Variants in DAB1 observed in about 807,000 individuals in gnomAD.
DAB1 encodes the protein disabled homolog 1.
Under a neutral mutation model 64.6 loss-of-function variants are expected in DAB1, and 15 were observed. The ratio of observed to expected loss-of-function variants is 0.23; its 90% CI spans 0.16 to 0.36. The LOEUF (loss-of-function observed/expected upper bound fraction) is 0.36, where lower values mean the gene tolerates loss of function less well. Among genes scored for constraint, DAB1 ranks in the 10% least tolerant of loss-of-function variants. DAB1 has a pLI of 1.00. For missense variants in DAB1, 596 were observed against 706.7 expected, an observed-to-expected ratio of 0.84 and a Z score of 1.78; for synonymous variants, 235 against 251.9, an observed-to-expected ratio of 0.93 and a Z score of 0.64.
At chr1:58,493,210 T>C (rs1051940222) in intron 3 of DAB1, among the ~76,000 whole-genome samples, 1 of 152,038 alleles carries the variant, frequency 6.6e-6, no homozygotes, top group African/African-American at 2.4e-5. Context: ...TTGACAAAAT[T>C]CAACAGCCCT....
At chr1:57,324,137 A>C (rs533871874) in intron 1 of DAB1, among the ~76,000 whole-genome samples, 1 of 152,240 alleles carries the variant, frequency 6.6e-6, no homozygotes, top group Admixed American at 6.5e-5. Flanking sequence ...TATGCAGATT[A>C]AAACGTTTCA....
At chr1:57,757,206 T>TG in intron 6 of DAB1, among the ~76,000 whole-genome samples, 2 of 139,348 alleles carry the variant, frequency 1.4e-5, no homozygotes, top group Non-Finnish European at 3.2e-5. Context: ...GAATTTTTTT[T>TG]TTTTTTTTTT....
chr1:58,407,822 A>G (rs1245960980), intron 3 of DAB1, among the ~76,000 whole-genome samples: 1 of 152,168 alleles, frequency 6.6e-6, no homozygotes, highest in Admixed American at 6.6e-5. Context: ...AGGTTTTAAA[A>G]ATCAAGTCAC....
At chr1:57,204,061 T>C (rs1452031457) in intron 2 of DAB1, among the ~76,000 whole-genome samples, 1 of 152,076 alleles carries the variant, frequency 6.6e-6, no homozygotes, top group Non-Finnish European at 1.5e-5. Flanking sequence ...GGCTAATTTT[T>C]GTATTTTTAG....
At chr1:57,834,856 T>C (rs542817261) in intron 1 of DAB1, among the ~76,000 whole-genome samples, 3 of 152,144 alleles carry the variant, frequency 2.0e-5, no homozygotes, top group Admixed American at 6.5e-5. Flanking sequence ...TGTCCTCCTG[T>C]GTGGTCAACT....
Position 57,584,989 on chromosome 1 carries a change from C to T in DAB1, n.625+64603G>A, listed in dbSNP as rs369447641. On this transcript the variant is annotated intron_variant and non_coding_transcript_variant, in intron 7 of 20. Transcript: ENST00000485760. ...CACCTCGGCCAGGCGCGGTGGCTTACGCCTGTAATCCCAACACTTGGGAGG... is the reference window on the plus strand; with the variant it reads ...CACCTCGGCCAGGCGCGGTGGCTTATGCCTGTAATCCCAACACTTGGGAGG... 9.5e-4 allele frequency among the ~76,000 whole-genome samples: 144 copies of T among 152,286 alleles called. 3 individuals are homozygous for T. The South Asian group carries it at 0.018, about 19-fold the overall frequency.
At chr1:57,772,046 T>G (rs1649587309) in intron 6 of DAB1, among the ~76,000 whole-genome samples, 1 of 152,180 alleles carries the variant, frequency 6.6e-6, no homozygotes, top group Admixed American at 6.5e-5. Context: ...CATTGGAAAC[T>G]TAATCCCTAG....
At chr1:58,258,328 G>T (rs1289122481) in intron 4 of DAB1, among the ~76,000 whole-genome samples, 1 of 152,212 alleles carries the variant, frequency 6.6e-6, no homozygotes, top group East Asian at 1.9e-4. Flanking sequence ...CAGGACTTCA[G>T]TCAGTGAAAA....
chr1:57,743,544 C>T (rs1279294799), intron 6 of DAB1, among the ~76,000 whole-genome samples: 2 of 152,208 alleles, frequency 1.3e-5, no homozygotes, highest in Non-Finnish European at 2.9e-5. Flanking sequence ...GTGGTCTCTC[C>T]ACACGGATGC....
At chr1:57,303,029 C>G (rs1293895158) in intron 1 of DAB1, among the ~76,000 whole-genome samples, 2 of 152,124 alleles carry the variant, frequency 1.3e-5, no homozygotes, top group Non-Finnish European at 2.9e-5. Flanking sequence ...TGGTGGAAAG[C>G]AGAGAAATGC....
At chr1:57,045,772 G>GA (rs1055057759) in intron 9 of DAB1, among the ~76,000 whole-genome samples, 5 of 152,140 alleles carry the variant, frequency 3.3e-5, no homozygotes, top group Admixed American at 6.5e-5. Flanking sequence ...ATGTAATGGT[G>GA]AAAAAAAGGA....
chr1:58,406,965 G>A (rs1644622206), intron 3 of DAB1, among the ~76,000 whole-genome samples: 1 of 152,176 alleles, frequency 6.6e-6, no homozygotes, highest in Non-Finnish European at 1.5e-5. Context: ...GACAGTGGCT[G>A]ACACAGGGTG....
At chr1:57,421,422 A>T (rs1208306597) in intron 1 of DAB1, among the ~76,000 whole-genome samples, 1 of 152,190 alleles carries the variant, frequency 6.6e-6, no homozygotes, top group East Asian at 1.9e-4. Flanking sequence ...ACTACTAAAA[A>T]TCATCTTCTA....
intron 2 of DAB1, among the ~76,000 whole-genome samples, chr1:57,148,224 A>T (rs919075650): frequency 6.6e-6 from 1 of 152,222 alleles, no homozygotes; most frequent in South Asian, 2.1e-4. Flanking sequence ...AACTCTGCCG[A>T]GAAAGAAGAT....
At chr1:57,944,243 G>T (rs1023856912) in intron 5 of DAB1, among the ~76,000 whole-genome samples, 3 of 152,098 alleles carry the variant, frequency 2.0e-5, no homozygotes, top group East Asian at 1.9e-4. Flanking sequence ...TTGGTGGCCT[G>T]GTACCCTGTT....
intron 2 of DAB1, among the ~76,000 whole-genome samples, chr1:58,518,358 GGGA>G (rs1646205720): frequency 7.0e-6 from 1 of 141,934 alleles, no homozygotes; most frequent in South Asian, 2.3e-4. Flanking sequence ...GAGAAGGGAA[GGGA>G]AGAGAAGAGA....
chr1:57,173,364 G>A (rs1003068161), intron 2 of DAB1, among the ~76,000 whole-genome samples: 3 of 152,122 alleles, frequency 2.0e-5, no homozygotes, highest in Non-Finnish European at 2.9e-5. Flanking sequence ...GTGATGGGTC[G>A]TAGTCAAAAC....
chr1:58,356,736 T>G (rs935309130), intron 3 of DAB1, among the ~76,000 whole-genome samples: 23 of 152,000 alleles, frequency 1.5e-4, no homozygotes, highest in African/African-American at 4.8e-5. Flanking sequence ...CCTAAAGATA[T>G]TTGGCTGGGT....
chr1:57,086,644 AACACACACACACACACACACAC>A (rs368060919), intron 4 of DAB1, among the ~76,000 whole-genome samples: 7 of 118,530 alleles, frequency 5.9e-5, no homozygotes, highest in Non-Finnish European at 8.5e-5. Flanking sequence ...TTCTGTCTTA[AACACACACACACACACACACAC>A]ACACACACAC....
Sources: allele counts gnomAD v4.1 joint callset (sites outside exome capture counted in the v4.1 genomes callset), GRCh38; gene constraint gnomAD v4.1.1; transcripts MANE v1.5; gene names NCBI Gene and HGNC (gene_info 2026-07-23, HGNC 2026-07-21).